Variants in MAGI2 observed in about 807,000 individuals in gnomAD.
MAGI2 encodes the protein membrane-associated guanylate kinase, WW and PDZ domain-containing protein 2.
A neutral mutation model predicts 133.3 loss-of-function variants in MAGI2; 35 were observed. The ratio of observed to expected loss-of-function variants is 0.26; its 90% CI spans 0.20 to 0.35. MAGI2 has a LOEUF of 0.35. Among genes scored for constraint, MAGI2 ranks in the 10% least tolerant of loss-of-function variants. The pLI is 1.00. For missense variants in MAGI2, 1,636 were observed against 1,863.4 expected, an observed-to-expected ratio of 0.88 and a Z score of 2.25; for synonymous variants, 729 against 710.6, an observed-to-expected ratio of 1.03 and a Z score of -0.41.
chr7:78,526,948 C>T (rs746782475), intron 3 of MAGI2, among the ~76,000 whole-genome samples: 8 of 120,540 alleles, frequency 6.6e-5, no homozygotes, highest in South Asian at 3.0e-4. Context: ...GCAGAGGGTG[C>T]GGTCAGCCGA....
At chr7:78,664,196 T>C in intron 2 of MAGI2, among the ~76,000 whole-genome samples, 1 of 152,196 alleles carries the variant, frequency 6.6e-6, no homozygotes, top group East Asian at 1.9e-4. Context: ...TCATTATATA[T>C]GTGTGGACCC....
chr7:78,168,548 G>A (rs1370155562), intron 14 of MAGI2, among the ~76,000 whole-genome samples: 1 of 152,178 alleles, frequency 6.6e-6, no homozygotes, highest in African/African-American at 2.4e-5. Context: ...GCTGAAACAA[G>A]GTGAGGATTG....
chr7:79,280,180 T>G (rs181865356), intron 1 of MAGI2, among the ~76,000 whole-genome samples: 43 of 152,274 alleles, frequency 2.8e-4, no homozygotes, highest in African/African-American at 9.4e-4. Context: ...GAGGCACATG[T>G]GAACATTTAA....
At chr7:78,803,490 T>C (rs950696316) in intron 2 of MAGI2, among the ~76,000 whole-genome samples, 2 of 151,954 alleles carry the variant, frequency 1.3e-5, no homozygotes, top group South Asian at 2.1e-4. Flanking sequence ...TTTATTTATT[T>C]TTTTTTTTTG....
chr7:78,622,982 A>G (rs2150944262), intron 3 of MAGI2, among the ~76,000 whole-genome samples: 1 of 152,176 alleles, frequency 6.6e-6, no homozygotes. Context: ...AAGGTGTCTG[A>G]AGAAGATTCA....
At chr7:78,279,700 A>C (rs1292988828) in intron 9 of MAGI2, among the ~76,000 whole-genome samples, 1 of 152,008 alleles carries the variant, frequency 6.6e-6, no homozygotes, top group African/African-American at 2.4e-5. Context: ...GGATATATAC[A>C]TGTCTGTGCA....
intron 2 of MAGI2, among the ~76,000 whole-genome samples, chr7:78,723,886 A>G (rs1386411015): frequency 4.6e-5 from 7 of 152,186 alleles, no homozygotes; most frequent in African/African-American, 1.7e-4. Flanking sequence ...CTGGGGAGGC[A>G]AAACAGAACA....
chr7:79,367,027 C>T (rs1159592834), intron 1 of MAGI2, among the ~76,000 whole-genome samples: 1 of 152,200 alleles, frequency 6.6e-6, no homozygotes, highest in African/African-American at 2.4e-5. Context: ...AGGTGAACTT[C>T]TTGACTTTGA....
At chr7:78,091,158 G>C (rs12334011) in intron 20 of MAGI2, among the ~76,000 whole-genome samples, 3,934 of 152,088 alleles carry the variant, frequency 0.026, 111 homozygotes, top group African/African-American at 0.077. Context: ...AGTGGTTGCT[G>C]ATAATTATTA....
chr7:78,268,499 A>C (rs1201398546), intron 9 of MAGI2, among the ~76,000 whole-genome samples: 1 of 152,182 alleles, frequency 6.6e-6, no homozygotes, highest in Non-Finnish European at 1.5e-5. Context: ...AGCGTGATGA[A>C]GAATATAGTG....
chr7:79,114,109 C>T (rs1562904257), intron 1 of MAGI2, among the ~76,000 whole-genome samples: 1 of 152,120 alleles, frequency 6.6e-6, no homozygotes, highest in Non-Finnish European at 1.5e-5. Context: ...AGATTTCCTA[C>T]TTCAGTAAAA....
intron 20 of MAGI2, among the ~76,000 whole-genome samples, chr7:78,122,836 T>A (rs1584014771): frequency 6.6e-6 from 1 of 152,330 alleles, no homozygotes; most frequent in African/African-American, 2.4e-5. Flanking sequence ...TTATTTTTTA[T>A]GTTCATTATT....
intron 1 of MAGI2, among the ~76,000 whole-genome samples, chr7:79,398,825 T>C (rs1255568171): frequency 6.6e-6 from 1 of 152,144 alleles, no homozygotes; most frequent in Non-Finnish European, 1.5e-5. Context: ...CATAGTATTA[T>C]GGAAACTACA....
chr7:78,382,634 G>T (rs914789014), intron 6 of MAGI2, among the ~76,000 whole-genome samples: 5 of 152,004 alleles, frequency 3.3e-5, no homozygotes, highest in African/African-American at 4.8e-5. Flanking sequence ...GGGTATTAGG[G>T]TGTCTACCAC....
chr7:78,497,758 A>ATCTGTCTG (rs1172212439), intron 5 of MAGI2, among the ~76,000 whole-genome samples: 9 of 113,814 alleles, frequency 7.9e-5, no homozygotes, highest in African/African-American at 2.9e-4. Context: ...CTATCTATCT[A>ATCTGTCTG]TCTATCTTTC....
At chr7:79,027,880 G>T (rs1225378246) in intron 1 of MAGI2, among the ~76,000 whole-genome samples, 3 of 151,870 alleles carry the variant, frequency 2.0e-5, no homozygotes, top group African/African-American at 7.3e-5. Context: ...AATAACGGAG[G>T]CTACAAACTT....
intron 2 of MAGI2, among the ~76,000 whole-genome samples, chr7:78,718,509 G>A (rs1434470456): frequency 2.0e-5 from 3 of 151,994 alleles, no homozygotes; most frequent in African/African-American, 7.3e-5. Context: ...GACTCTCATA[G>A]AAGCAGGAAC....
chr7:79,146,053 A>AT lies in MAGI2; in HGVS notation c.302-138848dup, dbSNP rs367910992. ...GGAACTGAAGAGAGTGATGTAAGAG[A>AT]TTTTTTTTTTTCCTTAAAGAAACTC... On this transcript the variant is annotated intron_variant, in intron 1 of 21. Transcript: ENST00000354212. 4.6e-4 allele frequency among the ~76,000 whole-genome samples: 68 copies of AT among 148,590 alleles called. No homozygotes were observed. The East Asian group carries it at 7.3e-3, about 16-fold the overall frequency.
chr7:78,659,592 T>C (rs1170453913), intron 2 of MAGI2, among the ~76,000 whole-genome samples: 1 of 151,968 alleles, frequency 6.6e-6, no homozygotes, highest in Non-Finnish European at 1.5e-5. Flanking sequence ...ATGAAAAAAT[T>C]ATAGAAATGG....
Sources: gnomAD v4.1 joint callset for allele counts (sites outside exome capture counted in the v4.1 genomes callset) on GRCh38, gnomAD v4.1.1 for gene constraint, MANE v1.5 for transcripts, NCBI Gene and HGNC (gene_info 2026-07-23, HGNC 2026-07-21) for gene names.